Variants in CENPP observed in about 807,000 individuals in gnomAD.
CENPP encodes centromere protein P.
In CENPP, 24 loss-of-function variants were observed where a neutral mutation model predicts 35.6. The ratio of observed to expected loss-of-function variants is 0.67; its 90% CI spans 0.49 to 0.95. CENPP has a LOEUF of 0.95. Among genes scored for constraint, CENPP ranks in the 40% least tolerant of loss-of-function variants. The probability of loss-of-function intolerance (pLI) is 0.00; values close to 1 mark genes in which losing one functional copy is unlikely to be tolerated. For missense variants in CENPP, 332 were observed against 345.3 expected (o/e 0.96, Z 0.31); for synonymous variants, 120 against 125.5 (o/e 0.96, Z 0.29).
intron 5 of CENPP, among the ~76,000 whole-genome samples, chr9:92,438,824 G>A (rs955427576): frequency 1.3e-5 from 2 of 152,176 alleles, no homozygotes; most frequent in African/African-American, 4.8e-5. Flanking sequence ...ATGGTGGCAT[G>A]TGCCTGTAAT....
At chr9:92,377,634 C>T (rs75843470) in intron 4 of CENPP, among the ~76,000 whole-genome samples, 15,824 of 152,178 alleles carry the variant, frequency 0.1, 876 homozygotes, top group Middle Eastern at 0.15. Flanking sequence ...GTGATTCTGA[C>T]AGCTATGCAG....
At chr9:92,467,876 C>T (rs1845372458) in intron 5 of CENPP, among the ~76,000 whole-genome samples, 1 of 152,138 alleles carries the variant, frequency 6.6e-6, no homozygotes, top group Non-Finnish European at 1.5e-5. Flanking sequence ...AAAATATCCT[C>T]GTTTGTGAGT....
At chr9:92,403,413 C>T (rs1564302328) in intron 5 of CENPP, 1 of 1,589,262 alleles carries the variant, frequency 6.3e-7, no homozygotes, top group East Asian at 2.3e-5. Context: ...TTCATTTTAG[C>T]AAAAATCAAG....
At chr9:92,466,989 T>A (rs1224090429) in intron 5 of CENPP, among the ~76,000 whole-genome samples, 1 of 152,206 alleles carries the variant, frequency 6.6e-6, no homozygotes, top group Non-Finnish European at 1.5e-5. Context: ...TTGTCTACTT[T>A]GAAAACCTCA....
intron 5 of CENPP, among the ~76,000 whole-genome samples, chr9:92,507,572 G>A (rs1847081596): frequency 6.6e-6 from 1 of 152,172 alleles, no homozygotes; most frequent in Admixed American, 6.5e-5. Context: ...TTCATGGACA[G>A]GAAACAGGAA....
intron 5 of CENPP, chr9:92,456,836 A>G: frequency 2.3e-5 from 11 of 475,442 alleles, no homozygotes; most frequent in Non-Finnish European, 3.0e-5. Context: ...CAAGTTACTA[A>G]AGAATAAGAA....
intron 5 of CENPP, among the ~76,000 whole-genome samples, chr9:92,542,131 T>C (rs1189698884): frequency 6.6e-6 from 1 of 152,170 alleles, no homozygotes; most frequent in Non-Finnish European, 1.5e-5. Flanking sequence ...GATTGTTAGA[T>C]CATCCGGTAG....
In CENPP at chr9:92,613,060, C is replaced by T. The variant is rs1330231932; in HGVS notation, c.778C>T (p.Leu260Phe). The T allele has an allele frequency of 6.2e-7, 1 of 1,614,178 alleles. No individual in the cohort carries two copies. The highest frequency in any genetic ancestry group is 1.7e-5 in the Admixed American group (1 of 60,024). Residue 260 changes from leucine (L) to phenylalanine (F), a missense_variant, in exon 8 of 8, where the codon CTC becomes TTC. Transcript: ENST00000375587. ...GAACAGAGCCATAGAAACTGCTCCT[C>T]TCAGCTTCCGAACCCTGGTAGGACT... ...DKNRAIETAP[L>F]SFRTLVGLLG...
At chr9:92,485,313 C>A (rs1426219055) in intron 5 of CENPP, among the ~76,000 whole-genome samples, 1 of 152,152 alleles carries the variant, frequency 6.6e-6, no homozygotes, top group African/African-American at 2.4e-5. Context: ...ATTTTTGCCT[C>A]ATTGAGCCTT....
chr9:92,333,127 G>A (rs1298877539), intron 2 of CENPP, among the ~76,000 whole-genome samples: 8 of 152,292 alleles, frequency 5.3e-5, no homozygotes, highest in Non-Finnish European at 1.0e-4. Context: ...CCAAAGATCT[G>A]TGATGCACTA....
intron 5 of CENPP, among the ~76,000 whole-genome samples, chr9:92,436,425 A>T (rs547325046): frequency 1.2e-3 from 188 of 152,270 alleles, no homozygotes; most frequent in African/African-American, 4.4e-3. Context: ...CAGTTTATTG[A>T]TTCTTTTTTC....
chr9:92,501,122 A>G (rs1846647321), intron 5 of CENPP: 2 of 1,494,528 alleles, frequency 1.3e-6, no homozygotes, highest in Non-Finnish European at 1.8e-6. Flanking sequence ...AAATTTTGAT[A>G]AGGCCAGTCT....
At chr9:92,341,180 A>G (rs1841105333) in intron 3 of CENPP, among the ~76,000 whole-genome samples, 1 of 152,188 alleles carries the variant, frequency 6.6e-6, no homozygotes, top group African/African-American at 2.4e-5. Context: ...AATTTTGTTC[A>G]GACCAGTTGA....
chr9:92,523,432 T>C (rs1035860556), intron 5 of CENPP, among the ~76,000 whole-genome samples: 4 of 151,898 alleles, frequency 2.6e-5, no homozygotes, highest in Admixed American at 6.6e-5. Context: ...ACACCACCCA[T>C]AGGGTACCCA....
At chr9:92,436,172 T>C (rs1844241092) in intron 5 of CENPP, among the ~76,000 whole-genome samples, 1 of 152,252 alleles carries the variant, frequency 6.6e-6, no homozygotes, top group African/African-American at 2.4e-5. Context: ...ATGTTCAGAA[T>C]CTTTTCATGT....
intron 5 of CENPP, among the ~76,000 whole-genome samples, chr9:92,442,398 CAAAAAAAAAAAAAAAAAAGA>C (rs1052865693): frequency 5.4e-5 from 4 of 74,484 alleles, no homozygotes; most frequent in African/African-American, 1.8e-4. Context: ...AACTCTGTCT[CAAAAAAAAAAAAAAAAAAGA>C]AAAAACAAAA....
chr9:92,487,721 AG>A (rs1846093269), intron 5 of CENPP, among the ~76,000 whole-genome samples: 1 of 152,250 alleles, frequency 6.6e-6, no homozygotes, highest in African/African-American at 2.4e-5. Flanking sequence ...ACACACCTAT[AG>A]TCCCAGCTAC....
At chr9:92,520,805 G>T (rs902939975) in intron 5 of CENPP, among the ~76,000 whole-genome samples, 1 of 152,146 alleles carries the variant, frequency 6.6e-6, no homozygotes, top group Non-Finnish European at 1.5e-5. Context: ...TCTGATACAG[G>T]CTAATAATAG....
chr9:92,423,114 T>C (rs940160670), intron 5 of CENPP, among the ~76,000 whole-genome samples: 2 of 152,244 alleles, frequency 1.3e-5, no homozygotes, highest in African/African-American at 4.8e-5. Flanking sequence ...TATGATAATT[T>C]CTTCAAATGA....
Sources: allele counts gnomAD v4.1 joint callset (sites outside exome capture counted in the v4.1 genomes callset), GRCh38; gene constraint gnomAD v4.1.1; transcripts MANE v1.5; gene names NCBI Gene and HGNC (gene_info 2026-07-23, HGNC 2026-07-21).